SIPA1L2: variants seen among roughly 807,000 people sequenced by gnomAD.
The protein encoded by SIPA1L2 is signal induced proliferation associated 1 like 2.
A neutral mutation model predicts 163.9 loss-of-function variants in SIPA1L2; 56 were observed. That is an observed-to-expected ratio of 0.34 (90% CI 0.28 to 0.43). SIPA1L2 has a LOEUF of 0.43. SIPA1L2 is among the 20% of genes least tolerant of loss of function. The pLI, the probability that SIPA1L2 is intolerant of heterozygous loss-of-function variation, is 1.00. For synonymous variants in SIPA1L2, 877 were observed against 865.7 expected, an observed-to-expected ratio of 1.01 and a Z score of -0.23; for missense variants, 1,974 against 2,193.5, an observed-to-expected ratio of 0.90 and a Z score of 2.00.
chr1:232,469,739 G>C (rs1427951282), intron 8 of SIPA1L2, among the ~76,000 whole-genome samples: 1 of 151,810 alleles, frequency 6.6e-6, no homozygotes, highest in African/African-American at 2.4e-5. Context: ...GATCTCTGTG[G>C]TGTTTTCAAA....
At chr1:232,625,325 G>C (rs1347565667) in intron 1 of SIPA1L2, among the ~76,000 whole-genome samples, 3 of 152,170 alleles carry the variant, frequency 2.0e-5, no homozygotes, top group African/African-American at 7.2e-5. Flanking sequence ...AAAAGAGTCT[G>C]ATCTAATAAT....
intron 2 of SIPA1L2, among the ~76,000 whole-genome samples, chr1:232,534,916 G>T (rs1657210172): frequency 6.6e-6 from 1 of 152,174 alleles, no homozygotes; most frequent in African/African-American, 2.4e-5. Context: ...TAAATTATTT[G>T]CATGGAGTAT....
chr1:232,613,095 A>G lies in SIPA1L2; in HGVS notation c.-319+16774T>C, dbSNP rs538947851. Reference sequence around the variant, plus strand: ...TTCCCTTGCTGCTGCCATGTAAGAAATGCCTTTCACCTCCTGCCATGATTC... The same window carrying G: ...TTCCCTTGCTGCTGCCATGTAAGAAGTGCCTTTCACCTCCTGCCATGATTC... On this transcript the variant is annotated intron_variant, in intron 1 of 22. Coordinates refer to ENST00000674635, the MANE Select transcript of SIPA1L2 (RefSeq NM_020808.5). 1.1e-4 allele frequency among the ~76,000 whole-genome samples: 15 copies of G among 140,790 alleles called. No homozygotes were observed. The East Asian group carries it at 1.2e-3, about 11-fold the overall frequency. The allele number at this position is 140,790 out of a possible 152,430, so 92.4% of individuals were successfully genotyped here. A position where few individuals can be genotyped will look rare whatever the true frequency, so the allele number is the denominator to read the frequency against.
chr1:232,473,682 G>C (rs959978024), intron 7 of SIPA1L2, among the ~76,000 whole-genome samples: 1 of 152,148 alleles, frequency 6.6e-6, no homozygotes, highest in Non-Finnish European at 1.5e-5. Flanking sequence ...TCCCTTTCTA[G>C]ACACATTCTT....
At chr1:232,466,523 G>C (rs1002585926) in intron 8 of SIPA1L2, among the ~76,000 whole-genome samples, 1 of 152,182 alleles carries the variant, frequency 6.6e-6, no homozygotes, top group African/African-American at 2.4e-5. Flanking sequence ...AGGTGCGGTG[G>C]CTCATGCCTG....
chr1:232,556,082 T>C (rs1256191149), intron 2 of SIPA1L2, among the ~76,000 whole-genome samples: 1 of 152,166 alleles, frequency 6.6e-6, no homozygotes, highest in East Asian at 1.9e-4. Context: ...ATAACATGAG[T>C]GCACACATTC....
chr1:232,489,053 G>C (rs1665791229), intron 5 of SIPA1L2, among the ~76,000 whole-genome samples: 1 of 152,186 alleles, frequency 6.6e-6, no homozygotes, highest in African/African-American at 2.4e-5. Context: ...AGAGCCCTGA[G>C]GGCTTCTGGG....
chr1:232,532,495 T>C (rs1394451169), intron 2 of SIPA1L2, among the ~76,000 whole-genome samples: 6 of 152,210 alleles, frequency 3.9e-5, no homozygotes, highest in Non-Finnish European at 8.8e-5. Flanking sequence ...ATCTTCCAGC[T>C]CACACTGATC....
chr1:232,505,851 G>A (rs1464792898), intron 3 of SIPA1L2, among the ~76,000 whole-genome samples: 1 of 152,166 alleles, frequency 6.6e-6, no homozygotes, highest in Non-Finnish European at 1.5e-5. Flanking sequence ...TCTTAGAATA[G>A]TACTATTGTT....
chr1:232,587,436 C>G (rs1179124947), intron 1 of SIPA1L2, among the ~76,000 whole-genome samples: 2 of 152,122 alleles, frequency 1.3e-5, no homozygotes, highest in African/African-American at 4.8e-5. Context: ...TCGTGGTTCT[C>G]AAAAAGTATG....
At chr1:232,401,416 G>T (rs1292371911) in intron 22 of SIPA1L2, among the ~76,000 whole-genome samples, 1 of 152,080 alleles carries the variant, frequency 6.6e-6, no homozygotes, top group African/African-American at 2.4e-5. Flanking sequence ...CCTAAACCCG[G>T]TTGGTTTACA....
At chr1:232,515,856 T>C (rs940190449) in intron 2 of SIPA1L2, among the ~76,000 whole-genome samples, 23 of 152,328 alleles carry the variant, frequency 1.5e-4, no homozygotes, top group African/African-American at 5.3e-4. Context: ...CCCACCCTAA[T>C]TGCATCTAAG....
At chr1:232,615,752 C>G (rs1348412842) in intron 1 of SIPA1L2, among the ~76,000 whole-genome samples, 1 of 152,116 alleles carries the variant, frequency 6.6e-6, no homozygotes, top group African/African-American at 2.4e-5. Flanking sequence ...CCACCCAGAA[C>G]TAAACTACTT....
intron 1 of SIPA1L2, among the ~76,000 whole-genome samples, chr1:232,587,126 C>A (rs1660704600): frequency 6.6e-6 from 1 of 152,146 alleles, no homozygotes; most frequent in African/African-American, 2.4e-5. Context: ...ACACAAAACC[C>A]ATTTGACTTT....
At chr1:232,601,097 G>A (rs943725649) in intron 1 of SIPA1L2, among the ~76,000 whole-genome samples, 2 of 152,192 alleles carry the variant, frequency 1.3e-5, no homozygotes, top group Non-Finnish European at 2.9e-5. Flanking sequence ...AGCCAGGGAG[G>A]ATATGCCAAG....
At chr1:232,526,171 A>G (rs542368723) in intron 2 of SIPA1L2, among the ~76,000 whole-genome samples, 5 of 152,304 alleles carry the variant, frequency 3.3e-5, no homozygotes, top group Non-Finnish European at 7.4e-5. Context: ...CCAATACTGA[A>G]CGCCAGTTAA....
intron 2 of SIPA1L2, among the ~76,000 whole-genome samples, chr1:232,564,491 GC>G (rs978275136): frequency 4.6e-5 from 7 of 151,914 alleles, no homozygotes; most frequent in African/African-American, 1.7e-4. Flanking sequence ...CAAGGGATGG[GC>G]CACCAAGAGG....
intron 11 of SIPA1L2, 151 bp from the exon 12 acceptor site, chr1:232,443,836 G>A (rs1663049940): frequency 1.6e-6 from 1 of 611,224 alleles, no homozygotes; most frequent in Admixed American, 3.8e-5. Context: ...ATAAATCATG[G>A]AAAAATAAAC....
chr1:232,491,126 C>T (rs1665908418), intron 4 of SIPA1L2, 64 bp from the exon 5 acceptor site: 2 of 1,437,832 alleles, frequency 1.4e-6, no homozygotes, highest in African/African-American at 2.8e-5. Flanking sequence ...CACAGCCTAA[C>T]TGTTTGGCTG....
Sources: allele counts gnomAD v4.1 joint callset (sites outside exome capture counted in the v4.1 genomes callset), GRCh38; gene constraint gnomAD v4.1.1; transcripts MANE v1.5; gene names NCBI Gene and HGNC (gene_info 2026-07-23, HGNC 2026-07-21).